ZNF420: variants seen among roughly 807,000 people sequenced by gnomAD.
ZNF420 encodes zinc finger protein 420, also known as ATM and p53-associated KZNF protein.
A neutral mutation model predicts 44.7 loss-of-function variants in ZNF420; 31 were observed. The observed-to-expected ratio is 0.69, with a 90% confidence interval of 0.52 to 0.94. The LOEUF (loss-of-function observed/expected upper bound fraction) is 0.94. Among genes scored for constraint, ZNF420 ranks in the 40% least tolerant of loss-of-function variants. The probability of loss-of-function intolerance (pLI) is 0.00; values close to 1 mark genes in which losing one functional copy is unlikely to be tolerated. For synonymous variants in ZNF420, 245 were observed against 267.4 expected (o/e 0.92, Z 0.82); for missense variants, 681 against 827.9 (o/e 0.82, Z 2.18).
chr19:37,026,088 C>T (rs866199837), intron 1 of ZNF420, among the ~76,000 whole-genome samples: 194 of 151,582 alleles, frequency 1.3e-3, no homozygotes, highest in Non-Finnish European at 2.3e-3. Flanking sequence ...CAGAGGCGGG[C>T]GGATGACCTG....
chr19:37,012,760 A>ATGTGTG lies in ZNF420; in HGVS notation c.-125+4681_-125+4682insGTGTGT, dbSNP rs780627236. Among the ~76,000 whole-genome samples the ATGTGTG allele has an allele frequency of 7.1e-3, 729 of 101,980 alleles. 10 individuals carry two copies. Among genetic ancestry groups the ATGTGTG allele is most frequent in the Admixed American group, 1.0e-2 (97 of 9,722 alleles). The allele number at this position is 101,980 out of a possible 152,430, so 66.9% of individuals were successfully genotyped here. A position where few individuals can be genotyped will look rare whatever the true frequency, so the allele number is the denominator to read the frequency against. ...GGGTGTGCTTCTGTGCCACTGCTAT[A>ATGTGTG]TGTCTCTGTGTGTGTGTGTGTGTGT... On this transcript the variant is annotated intron_variant, in intron 1 of 4. Transcript: ENST00000587029.
At chr19:37,042,136 C>T (rs1193325765) in intron 1 of ZNF420, among the ~76,000 whole-genome samples, 1 of 152,172 alleles carries the variant, frequency 6.6e-6, no homozygotes, top group African/African-American at 2.4e-5. Context: ...GTAACTGGGA[C>T]TACAGGTGCC....
chr19:37,069,914 A>G (rs1440556618), intron 1 of ZNF420, among the ~76,000 whole-genome samples: 1 of 152,128 alleles, frequency 6.6e-6, no homozygotes, highest in Non-Finnish European at 1.5e-5. Context: ...AAATCCAAGG[A>G]AAGTGAAAGC....
chr19:37,126,999 G>GTA (rs1971380066), intron 4 of ZNF420, 129 bp from the exon 5 acceptor site: 1 of 654,768 alleles, frequency 1.5e-6, no homozygotes, highest in Admixed American at 3.9e-5. Context: ...GGTATTATAT[G>GTA]TCATAATAAT....
chr19:37,057,860 C>T (rs1482870642), intron 1 of ZNF420, among the ~76,000 whole-genome samples: 1 of 152,160 alleles, frequency 6.6e-6, no homozygotes, highest in Non-Finnish European at 1.5e-5. Flanking sequence ...GTTGTATCTC[C>T]TCGCGGCTTT....
intron 1 of ZNF420, among the ~76,000 whole-genome samples, chr19:37,043,500 A>T (rs1967494059): frequency 6.6e-6 from 1 of 152,066 alleles, no homozygotes; most frequent in African/African-American, 2.4e-5. Context: ...TCTTTCCTCT[A>T]TGTTAATTTT....
intron 4 of ZNF420, among the ~76,000 whole-genome samples, chr19:37,121,582 C>A (rs973754315): frequency 3.3e-5 from 5 of 151,990 alleles, no homozygotes; most frequent in East Asian, 1.9e-4. Flanking sequence ...CTTCATGTCT[C>A]AAACACCAAA....
At chr19:37,026,323 CTT>C (rs74174444) in intron 1 of ZNF420, among the ~76,000 whole-genome samples, 8 of 138,118 alleles carry the variant, frequency 5.8e-5, no homozygotes, top group Admixed American at 7.2e-5. Flanking sequence ...ATGCCCGGCT[CTT>C]TTTTTTTTTT....
At chr19:37,015,015 G>A (rs2016278746) in intron 1 of ZNF420, among the ~76,000 whole-genome samples, 2 of 152,206 alleles carry the variant, frequency 1.3e-5, no homozygotes, top group South Asian at 2.1e-4. Context: ...TGGACATACG[G>A]CCTGCCTATG....
At chr19:37,036,449 T>G (rs1967356224) in intron 1 of ZNF420, among the ~76,000 whole-genome samples, 2 of 152,140 alleles carry the variant, frequency 1.3e-5, no homozygotes, top group Admixed American at 1.3e-4. Context: ...GTGTTGTTCC[T>G]GGTGCTCTCC....
At chr19:37,044,723 C>T (rs866289932) in intron 1 of ZNF420, among the ~76,000 whole-genome samples, 3 of 151,858 alleles carry the variant, frequency 2.0e-5, no homozygotes, top group African/African-American at 4.8e-5. Context: ...AAAGATTAGC[C>T]GGGCATGGTG....
Position 37,052,014 on chromosome 19 carries a change from T to A in ZNF420, c.-124-28331T>A, listed in dbSNP as rs1428726532. Among the ~76,000 whole-genome samples the A allele has an allele frequency of 2.2e-4, 33 of 152,344 alleles. No homozygotes were observed. The Middle Eastern group carries it at 0.017, about 79-fold the overall frequency. ...GGGAGTCTAAGTCTCTTTCTAGCTC[T>A]CTAAGGACTTGCTTTATGAATCTGG... is the stretch of plus-strand genomic sequence containing the variant. On this transcript the variant is annotated intron_variant, in intron 1 of 4. Transcript: ENST00000587029.
chr19:37,093,486 T>C (rs1969270672), intron 4 of ZNF420, among the ~76,000 whole-genome samples: 1 of 152,182 alleles, frequency 6.6e-6, no homozygotes, highest in Non-Finnish European at 1.5e-5. Flanking sequence ...CCCAAAGTGC[T>C]GAGACTACAG....
chr19:37,034,598 A>C (rs1268520980), intron 1 of ZNF420, among the ~76,000 whole-genome samples: 1 of 152,118 alleles, frequency 6.6e-6, no homozygotes, highest in Non-Finnish European at 1.5e-5. Context: ...CCTCATATGT[A>C]CCACTGGACA....
At chr19:37,117,511 A>C (rs1162696962) in intron 4 of ZNF420, among the ~76,000 whole-genome samples, 1 of 151,830 alleles carries the variant, frequency 6.6e-6, no homozygotes, top group Non-Finnish European at 1.5e-5. Flanking sequence ...TAAAACCACA[A>C]AGATGGGGAA....
At chr19:37,038,416 C>G (rs915123285) in intron 1 of ZNF420, among the ~76,000 whole-genome samples, 2 of 152,168 alleles carry the variant, frequency 1.3e-5, no homozygotes, top group African/African-American at 4.8e-5. Flanking sequence ...TTGACTCTTC[C>G]TTTCACCAAA....
intron 1 of ZNF420, among the ~76,000 whole-genome samples, chr19:37,034,279 C>T (rs1967314906): frequency 1.3e-5 from 2 of 152,008 alleles, no homozygotes; most frequent in South Asian, 4.1e-4. Context: ...TGATGTTGAG[C>T]ATCTTTCATG....
At chr19:37,060,238 G>A (rs905136641) in intron 1 of ZNF420, among the ~76,000 whole-genome samples, 18 of 152,158 alleles carry the variant, frequency 1.2e-4, no homozygotes, top group Non-Finnish European at 1.5e-5. Context: ...GAAGTAGACC[G>A]ACCTCAAAGG....
chr19:37,099,353 T>C (rs529108180), intron 4 of ZNF420, among the ~76,000 whole-genome samples: 3 of 152,288 alleles, frequency 2.0e-5, no homozygotes, highest in Non-Finnish European at 2.9e-5. Flanking sequence ...TTGTTATCTT[T>C]TGTCTTTTTA....
Sources: gnomAD v4.1 joint callset for allele counts (sites outside exome capture counted in the v4.1 genomes callset) on GRCh38, gnomAD v4.1.1 for gene constraint, MANE v1.5 for transcripts, NCBI Gene and HGNC (gene_info 2026-07-23, HGNC 2026-07-21) for gene names.